LRP1B: variants seen among roughly 807,000 people sequenced by gnomAD.
LRP1B encodes LDL receptor related protein 1B, also known as low-density lipoprotein receptor-related protein 1B.
In LRP1B, 217 loss-of-function variants were observed where a neutral mutation model predicts 556.6. The observed-to-expected ratio is 0.39, with a 90% CI of 0.35 to 0.44. The LOEUF is 0.44. Among genes scored for constraint, LRP1B ranks in the 20% least tolerant of loss-of-function variants. The pLI, the probability that LRP1B is intolerant of heterozygous loss-of-function variation, is 1.00. For synonymous variants in LRP1B, 2,047 were observed against 1,865.8 expected (o/e 1.10, Z -2.50); for missense variants, 5,053 against 5,620.8 (o/e 0.90, Z 3.23).
chr2:141,608,415 T>C (rs1314091268), intron 2 of LRP1B, among the ~76,000 whole-genome samples: 2 of 152,312 alleles, frequency 1.3e-5, no homozygotes, highest in East Asian at 1.9e-4. Flanking sequence ...GAATAATTCA[T>C]CTTCCAGAGC....
intron 2 of LRP1B, among the ~76,000 whole-genome samples, chr2:141,753,009 G>A (rs988650783): frequency 6.9e-6 from 1 of 145,536 alleles, no homozygotes; most frequent in African/African-American, 2.5e-5. Flanking sequence ...AGCACATTGG[G>A]AGGCCGAGGC....
At position 141,723,481 on chromosome 2, in the gene LRP1B, A is replaced by G. The variant is rs943471127; in HGVS notation, c.205+86798T>C. Among the ~76,000 whole-genome samples the G allele has an allele frequency of 7.2e-5, 11 of 151,844 alleles. No individual in the cohort carries two copies. The East Asian group carries it at 2.1e-3, about 29-fold the overall frequency. On this transcript the variant is annotated intron_variant, in intron 2 of 90. Transcript: ENST00000389484. ...AGGGTATAGCTATAGAACTGCATAA[A>G]TAACATTCTTCAGAAAAATATATAA...
chr2:141,100,819 A>G (rs1700442066), intron 7 of LRP1B, among the ~76,000 whole-genome samples: 1 of 152,052 alleles, frequency 6.6e-6, no homozygotes, highest in Admixed American at 6.6e-5. Flanking sequence ...TGTCTCCACT[A>G]AGATAGCTAA....
chr2:142,115,510 TATATTACATATATAATATATATATTAC>T (rs1165188473), intron 1 of LRP1B, among the ~76,000 whole-genome samples: 4 of 93,236 alleles, frequency 4.3e-5, no homozygotes, highest in Non-Finnish European at 8.1e-5. Context: ...ATATATATTA[TATATTACATATATAATATATATATTAC>T]ATATGTAATA....
At chr2:140,921,217 T>C (rs1413895659) in intron 21 of LRP1B, among the ~76,000 whole-genome samples, 1 of 151,964 alleles carries the variant, frequency 6.6e-6, no homozygotes, top group Non-Finnish European at 1.5e-5. Flanking sequence ...TATTTCTGTA[T>C]AGAGAAATTG....
In LRP1B at chr2:140,350,846, T is replaced by C; in HGVS notation, c.11843A>G (p.Tyr3948Cys). The C allele has an allele frequency of 6.2e-7, 1 of 1,611,426 alleles. No individual in the cohort carries two copies. The highest frequency in any genetic ancestry group is 8.5e-7 in the Non-Finnish European group (1 of 1,178,510). Reference sequence around the variant, plus strand: ...TTTTTCTCTGCCATGGATCCTTTTGTAGAAAATTCCGCCTGGATTAAACTG... The same window carrying C: ...TTTTTCTCTGCCATGGATCCTTTTGCAGAAAATTCCGCCTGGATTAAACTG... ...STQFNPGGIFYKRIHGREKRQ... is the reference protein window; with the variant it reads ...STQFNPGGIFCKRIHGREKRQ... The change falls in exon 77 of 91, where the codon TAC (tyrosine) becomes TGC (cysteine). Residue 3948 changes from tyrosine (Y) to cysteine (C), a missense_variant. Tyr to Cys is a radical substitution (Grantham distance 194, BLOSUM62 -2). Coordinates refer to ENST00000389484, the MANE Select transcript of LRP1B (RefSeq NM_018557.3).
At chr2:141,697,070 G>C (rs1691757812) in intron 2 of LRP1B, among the ~76,000 whole-genome samples, 1 of 151,264 alleles carries the variant, frequency 6.6e-6, no homozygotes, top group African/African-American at 2.4e-5. Context: ...TTTTATTTTT[G>C]CTAGCCAGAC....
chr2:140,971,981 T>C (rs1170021980), intron 18 of LRP1B, among the ~76,000 whole-genome samples: 3 of 152,184 alleles, frequency 2.0e-5, no homozygotes, highest in Admixed American at 2.0e-4. Flanking sequence ...GCAACTCATA[T>C]CCTCAAGCAA....
At chr2:142,080,773 G>A (rs947558962) in intron 1 of LRP1B, among the ~76,000 whole-genome samples, 1 of 152,056 alleles carries the variant, frequency 6.6e-6, no homozygotes, top group African/African-American at 2.4e-5. Flanking sequence ...TTCTGGGTCT[G>A]ACTTTACCCA....
At chr2:141,231,359 T>A (rs1683457429) in intron 5 of LRP1B, among the ~76,000 whole-genome samples, 1 of 152,146 alleles carries the variant, frequency 6.6e-6, no homozygotes, top group African/African-American at 2.4e-5. Context: ...CTTAAAACAA[T>A]CCTATAATTC....
chr2:140,380,633 C>T (rs927130114), intron 67 of LRP1B, among the ~76,000 whole-genome samples: 3 of 152,128 alleles, frequency 2.0e-5, no homozygotes, highest in African/African-American at 7.2e-5. Context: ...GAAGAAACAT[C>T]TAATTTCATA....
intron 2 of LRP1B, among the ~76,000 whole-genome samples, chr2:141,638,918 C>T (rs368752223): frequency 1.5e-4 from 6 of 39,250 alleles, no homozygotes; most frequent in East Asian, 6.1e-4. Context: ...TGTGTGTATA[C>T]ATACACACAT....
At chr2:140,451,679 T>C (rs948494562) in intron 62 of LRP1B, among the ~76,000 whole-genome samples, 1 of 152,134 alleles carries the variant, frequency 6.6e-6, no homozygotes. Flanking sequence ...CACAGTTCTT[T>C]TCATTAGAAT....
intron 35 of LRP1B, among the ~76,000 whole-genome samples, chr2:140,748,133 ATAT>A (rs1559093685): frequency 0.2 from 8,112 of 41,228 alleles, 736 homozygotes; most frequent in African/African-American, 0.21. Context: ...ATATATATAT[ATAT>A]AATTCATATA....
At chr2:141,645,090 C>T (rs1454571391) in intron 2 of LRP1B, among the ~76,000 whole-genome samples, 1 of 151,920 alleles carries the variant, frequency 6.6e-6, no homozygotes, top group Non-Finnish European at 1.5e-5. Context: ...TATAAATAAA[C>T]ACTATGGATT....
chr2:140,639,413 A>T (rs1302782501), intron 41 of LRP1B, among the ~76,000 whole-genome samples: 1 of 152,232 alleles, frequency 6.6e-6, no homozygotes, highest in Admixed American at 6.5e-5. Flanking sequence ...ATTCTAAGGC[A>T]TCTTGCTCCA....
At chr2:141,341,551 C>T (rs547428974) in intron 3 of LRP1B, among the ~76,000 whole-genome samples, 1 of 152,290 alleles carries the variant, frequency 6.6e-6, no homozygotes, top group Non-Finnish European at 1.5e-5. Context: ...CTTCATGTTT[C>T]AGTGACACAG....
chr2:140,716,844 C>A, intron 35 of LRP1B, 28 bp from the exon 36 acceptor site: 2 of 1,383,090 alleles, frequency 1.4e-6, no homozygotes, highest in Non-Finnish European at 2.0e-6. Flanking sequence ...AAAAAAAATA[C>A]ATATACACAC....
chr2:140,937,811 CCTCT>C (rs1053241336), intron 20 of LRP1B, among the ~76,000 whole-genome samples: 2 of 151,802 alleles, frequency 1.3e-5, no homozygotes, highest in Non-Finnish European at 2.9e-5. Context: ...GTTTTAATTT[CCTCT>C]CTCTCTATGC....
Sources: gnomAD v4.1 joint callset for allele counts (sites outside exome capture counted in the v4.1 genomes callset) on GRCh38, gnomAD v4.1.1 for gene constraint, MANE v1.5 for transcripts, NCBI Gene and HGNC (gene_info 2026-07-23, HGNC 2026-07-21) for gene names.